Variants in LARGE1 observed in about 807,000 individuals in gnomAD.
LARGE1 encodes the protein xylosyl- and glucuronyltransferase LARGE1.
LARGE1 carries 43 observed loss-of-function variants against 87.6 expected under a neutral mutation model. That is an observed-to-expected ratio of 0.49 (90% CI 0.38 to 0.63). The LOEUF (loss-of-function observed/expected upper bound fraction) is 0.63. Ranked by LOEUF, LARGE1 falls within the 30% of genes least tolerant of loss-of-function variation. The probability of loss-of-function intolerance (pLI) is 0.00; values close to 1 mark genes in which losing one functional copy is unlikely to be tolerated. For missense variants in LARGE1, 802 were observed against 1,000.2 expected, an observed-to-expected ratio of 0.80 and a Z score of 2.67; for synonymous variants, 434 against 394.6, an observed-to-expected ratio of 1.10 and a Z score of -1.18.
intron 11 of LARGE1, among the ~76,000 whole-genome samples, chr22:33,265,115 G>T (rs11914215): frequency 0.022 from 3,328 of 151,772 alleles, 104 homozygotes; most frequent in African/African-American, 0.076. Context: ...ATGTTGGTCA[G>T]GCTGTTCTCA....
At chr22:33,246,250 A>C (rs779312791) in intron 11 of LARGE1, among the ~76,000 whole-genome samples, 58 of 152,330 alleles carry the variant, frequency 3.8e-4, no homozygotes, top group Middle Eastern at 3.4e-3. Flanking sequence ...AAATCACACT[A>C]TTGCTGAAAA....
At chr22:33,079,831 G>A in the LARGE1 span, among the ~76,000 whole-genome samples, 2 of 152,098 alleles carry the variant, frequency 1.3e-5, no homozygotes, top group South Asian at 2.1e-4. Context: ...AAGAAGGAAG[G>A]AAAAGATGAA....
At chr22:33,561,445 C>T (rs368012181) in intron 6 of LARGE1, among the ~76,000 whole-genome samples, 1 of 152,126 alleles carries the variant, frequency 6.6e-6, no homozygotes, top group East Asian at 1.9e-4. Context: ...TGTGAGGGAC[C>T]CCTGCCAGGT....
intron 2 of LARGE1, among the ~76,000 whole-genome samples, chr22:33,719,995 T>G (rs2083046722): frequency 6.6e-6 from 1 of 152,188 alleles, no homozygotes; most frequent in South Asian, 2.1e-4. Context: ...ACCGGTTTTG[T>G]GGAAGACCAT....
chr22:33,071,763 T>C, the LARGE1 span, among the ~76,000 whole-genome samples: 8 of 152,312 alleles, frequency 5.3e-5, no homozygotes, highest in African/African-American at 1.9e-4. Flanking sequence ...GAATCTGTAC[T>C]GGAAACTAGT....
chr22:33,390,832 C>G (rs1210067154), intron 7 of LARGE1, among the ~76,000 whole-genome samples: 3 of 151,932 alleles, frequency 2.0e-5, no homozygotes, highest in Non-Finnish European at 4.4e-5. Flanking sequence ...TAAGTAGGAC[C>G]ACAGGTGTGC....
chr22:33,395,309 G>T (rs1164011228), intron 7 of LARGE1, among the ~76,000 whole-genome samples: 1 of 151,648 alleles, frequency 6.6e-6, no homozygotes, highest in Non-Finnish European at 1.5e-5. Context: ...GTAGGCCTAG[G>T]GTAGGGCCTG....
chr22:33,885,969 G>A (rs2064832409), intron 1 of LARGE1, among the ~76,000 whole-genome samples: 1 of 152,098 alleles, frequency 6.6e-6, no homozygotes, highest in African/African-American at 2.4e-5. Context: ...GGCAGAGATT[G>A]CAGTGAGCCG....
At chr22:33,264,849 T>C (rs1488210904) in intron 11 of LARGE1, among the ~76,000 whole-genome samples, 2 of 151,560 alleles carry the variant, frequency 1.3e-5, no homozygotes, top group Non-Finnish European at 2.9e-5. Flanking sequence ...TGCTAAGTCA[T>C]TTTAGAGGAA....
At chr22:33,182,517 G>T (rs1303717233) in intron 11 of LARGE1, among the ~76,000 whole-genome samples, 1 of 150,140 alleles carries the variant, frequency 6.7e-6, no homozygotes, top group African/African-American at 2.5e-5. Flanking sequence ...ACCCTGAATA[G>T]CCAAAGCAAT....
At chr22:33,361,646 T>A (rs2064389572) in intron 9 of LARGE1, among the ~76,000 whole-genome samples, 1 of 148,254 alleles carries the variant, frequency 6.7e-6, no homozygotes, top group Non-Finnish European at 1.5e-5. Context: ...AGTTTGGATA[T>A]CAAGATTCAG....
At chr22:33,921,045 C>A (rs1331063621), upstream of LARGE1, among the ~76,000 whole-genome samples, 1 of 150,360 alleles carries the variant, frequency 6.7e-6, no homozygotes, top group African/African-American at 2.4e-5. The surrounding 1 kb of genome is among the most constrained non-coding windows in gnomAD (Gnocchi z 4.1). Flanking sequence ...CCGGGGGGGA[C>A]CGCGAGCCGG....
intron 13 of LARGE1, among the ~76,000 whole-genome samples, chr22:33,279,841 A>G (rs79853440): frequency 2.3e-3 from 346 of 152,358 alleles, no homozygotes; most frequent in African/African-American, 8.2e-3. Flanking sequence ...GAACTGGCAC[A>G]GCACAGCTGA....
chr22:33,891,826 T>C (rs1297463239), intron 1 of LARGE1, among the ~76,000 whole-genome samples: 1 of 152,222 alleles, frequency 6.6e-6, no homozygotes, highest in African/African-American at 2.4e-5. Flanking sequence ...TCATTAGAAA[T>C]TTAACGGAAA....
chr22:33,318,356 C>T (rs8136451), intron 10 of LARGE1, among the ~76,000 whole-genome samples: 5,671 of 152,124 alleles, frequency 0.037, 307 homozygotes, highest in African/African-American at 0.13. Flanking sequence ...TGAGAACATG[C>T]GGTGTTTGGT....
rs199907114 is a variant in LARGE1 at position 33,650,472 on chromosome 22, G to A, written c.303C>T (p.Thr101=). ...PSHRRGNHSK[T]YSMEEGTGDS... ...CTCCAGTGCCCTCCTCCATGGAGTA[G>A]GTCTTGGAGTGGTTGCCTCGGCGAT... The change falls in exon 3 of 15, where the codon ACC becomes ACT. Residue 101 remains threonine (T), a synonymous_variant. Coordinates refer to ENST00000397394, the MANE Select transcript of LARGE1 (RefSeq NM_133642.5). 10 of 1,614,070 alleles carry A rather than the reference G, an allele frequency of 6.2e-6. No individual in the cohort carries two copies. The Admixed American group carries it at 6.7e-5, about 11-fold the overall frequency.
intron 1 of LARGE1, among the ~76,000 whole-genome samples, chr22:33,878,625 C>A (rs528493126): frequency 6.6e-6 from 1 of 152,124 alleles, no homozygotes; most frequent in South Asian, 2.1e-4. Flanking sequence ...TGAGGTCAAG[C>A]GGCTAACAAA....
At chr22:33,759,413 C>T (rs2084641788) in intron 2 of LARGE1, among the ~76,000 whole-genome samples, 1 of 152,184 alleles carries the variant, frequency 6.6e-6, no homozygotes, top group African/African-American at 2.4e-5. Context: ...CAGGCTCCAT[C>T]TTGACCACCT....
chr22:33,494,942 A>G (rs1161143395), intron 6 of LARGE1, among the ~76,000 whole-genome samples: 5 of 152,152 alleles, frequency 3.3e-5, no homozygotes, highest in South Asian at 2.1e-4. Flanking sequence ...TATGCAGATA[A>G]CTGCACCCTA....
Sources: gnomAD v4.1 joint callset for allele counts (sites outside exome capture counted in the v4.1 genomes callset) on GRCh38, gnomAD v4.1.1 for gene constraint, Gnocchi (gnomAD v3.1) non-coding constraint, MANE v1.5 for transcripts, NCBI Gene and HGNC (gene_info 2026-07-23, HGNC 2026-07-21) for gene names.